The following LAMC3 variants were observed in gnomAD, a reference collection of about 807,000 sequenced individuals.
LAMC3 encodes laminin subunit gamma-3.
A neutral mutation model predicts 173.8 loss-of-function variants in LAMC3; 128 were observed. The observed-to-expected ratio is 0.74, with a 90% CI of 0.64 to 0.85. The LOEUF is 0.85. Ranked by LOEUF, LAMC3 falls within the 40% of genes least tolerant of loss-of-function variation. The probability of loss-of-function intolerance (pLI) is 0.00; values close to 1 mark genes in which losing one functional copy is unlikely to be tolerated. For synonymous variants in LAMC3, 897 were observed against 909.1 expected (o/e 0.99, Z 0.24); for missense variants, 2,022 against 2,156.0 (o/e 0.94, Z 1.23).
intron 3 of LAMC3, among the ~76,000 whole-genome samples, chr9:131,032,444 TCCCTCCCTC>T: frequency 8.0e-6 from 1 of 124,712 alleles, no homozygotes; most frequent in East Asian, 3.9e-4. Flanking sequence ...CCTTCCTCCC[TCCCTCCCTC>T]CCTTCCTCCC....
rs1834321618 is a variant in LAMC3, at chr9:131,052,868, G to A, written c.1842G>A (p.Glu614=). 1.2e-6 allele frequency: 2 copies of A among 1,613,430 alleles called. No individual in the cohort carries two copies. The highest frequency in any genetic ancestry group is 2.7e-5 in the African/African-American group (2 of 74,928). The change falls in exon 11 of 28, where the codon GAG becomes GAA. Residue 614 remains glutamate (E), a synonymous_variant. Coordinates refer to ENST00000361069, the MANE Select transcript of LAMC3 (RefSeq NM_006059.4). ...TCGCCAGCCTGCAGGAGACCTCCGA[G>A]GACGTGGCCCCTCCACTGCCCCCCT... ...ELRFHLQETS[E]DVAPPLPPFH... is the part of the protein sequence containing the mutation.
chr9:131,075,893 C>T lies in LAMC3; in HGVS notation c.3557C>T (p.Thr1186Ile), dbSNP rs200384710. 11 of 1,612,692 alleles carry T rather than the reference C, an allele frequency of 6.8e-6. No individual in the cohort carries two copies. The highest frequency in any genetic ancestry group is 8.5e-6 in the Non-Finnish European group (10 of 1,179,302). The stretch of plus-strand genomic sequence containing the variant: ...TGGAGGGCCCTGCTCGCCTCCAACA[C>T]CAGCTACGCGCTTCTCTGGAATCTG... Reference protein sequence around the residue: ...TAWRALLASNTSYALLWNLLE... With the variant: ...TAWRALLASNISYALLWNLLE... The change falls in exon 21 of 28, where the codon ACC becomes ATC. Residue 1186 changes from threonine (T) to isoleucine (I), a missense_variant. Thr to Ile is a moderately conservative substitution (Grantham distance 89). Transcript: ENST00000361069.
intron 6 of LAMC3, among the ~76,000 whole-genome samples, chr9:131,040,516 G>A (rs1834030127): frequency 2.6e-5 from 4 of 152,058 alleles, no homozygotes; most frequent in African/African-American, 7.2e-5. Flanking sequence ...GTTGATAACG[G>A]GCATCTTTGT....
At chr9:131,010,120 C>T (rs11244244) in intron 1 of LAMC3, among the ~76,000 whole-genome samples, 1 of 139,862 alleles carries the variant, frequency 7.1e-6, no homozygotes, top group African/African-American at 2.8e-5. Context: ...CACCACCGTT[C>T]TCCAGCCTGG....
intron 14 of LAMC3, 37 bp downstream of exon 14, chr9:131,067,242 G>A (rs1460893069): frequency 6.2e-7 from 1 of 1,609,610 alleles, no homozygotes; most frequent in East Asian, 2.2e-5. Context: ...GTGGCACATG[G>A]TGGGCCCCTT....
chr9:131,089,719 C>T (rs1489072908), intron 27 of LAMC3, among the ~76,000 whole-genome samples: 1 of 152,166 alleles, frequency 6.6e-6, no homozygotes, highest in Non-Finnish European at 1.5e-5. Flanking sequence ...ACTTATTTCA[C>T]TTAGCAGAAA....
At chr9:131,018,578 A>G (rs1833569768) in intron 1 of LAMC3, among the ~76,000 whole-genome samples, 1 of 152,118 alleles carries the variant, frequency 6.6e-6, no homozygotes, top group Non-Finnish European at 1.5e-5. Flanking sequence ...GTCATCCTTG[A>G]CTGTTAGCTG....
chr9:131,073,120 G>A (rs1413989313), intron 19 of LAMC3, 125 bp from the exon 20 acceptor site: 8 of 795,332 alleles, frequency 1.0e-5, no homozygotes, highest in Non-Finnish European at 1.7e-5. Context: ...CCGATGTTGT[G>A]GCCAGCTTTG....
At position 131,032,193 on chromosome 9, in the gene LAMC3, G is replaced by A. The variant is rs1347069903; in HGVS notation, c.809+18G>A. 1 of 1,487,168 alleles carries A rather than the reference G, an allele frequency of 6.7e-7. No homozygotes were observed. Among genetic ancestry groups the A allele is most frequent in the South Asian group, 1.1e-5 (1 of 89,614 alleles). 92.1% of individuals were successfully genotyped at this position (1,487,168 alleles called of 1,614,324 possible). On this transcript the variant is annotated intron_variant, in intron 3 of 27. Transcript: ENST00000361069. Reference sequence around the variant, plus strand: ...GGCGGCAGGTAGGAGGGAGGAGGGAGGCAGGGTGGCAGGGCTCCAGGACCC... The same window carrying A: ...GGCGGCAGGTAGGAGGGAGGAGGGAAGCAGGGTGGCAGGGCTCCAGGACCC...
chr9:131,020,681 G>C (rs1424349289), intron 1 of LAMC3, among the ~76,000 whole-genome samples: 1 of 152,210 alleles, frequency 6.6e-6, no homozygotes, highest in Non-Finnish European at 1.5e-5. Context: ...CAGACGAGGG[G>C]CTGAGAGAAT....
rs144156064 is a variant in LAMC3 at position 131,087,983 on chromosome 9, G to A, written c.4477+166G>A. 3.4e-4 allele frequency among the ~76,000 whole-genome samples: 52 copies of A among 152,314 alleles called. No homozygotes were observed. The East Asian group carries it at 9.7e-3, about 28-fold the overall frequency. ...TCACAAGCATTTATAACCATGCCCA[G>A]GCCCCCTTGCCATGTGGGACAGGGT... On this transcript the variant is annotated intron_variant, in intron 27 of 27. Coordinates refer to ENST00000361069, the MANE Select transcript of LAMC3 (RefSeq NM_006059.4).
At chr9:131,046,802 G>A (rs1834171563) in intron 8 of LAMC3, among the ~76,000 whole-genome samples, 1 of 152,074 alleles carries the variant, frequency 6.6e-6, no homozygotes, top group South Asian at 2.1e-4. Flanking sequence ...GTCCCACGGA[G>A]CGCCCCGCAC....
intron 1 of LAMC3, among the ~76,000 whole-genome samples, chr9:131,010,751 G>A (rs927904680): frequency 1.3e-5 from 2 of 152,234 alleles, no homozygotes; most frequent in African/African-American, 2.4e-5. Flanking sequence ...TGGCCTCTCT[G>A]CCCTGCTCAT....
At chr9:131,082,212 C>A in intron 24 of LAMC3, 51 bp downstream of exon 24, 1 of 1,339,452 alleles carries the variant, frequency 7.5e-7, no homozygotes, top group Non-Finnish European at 1.1e-6. Flanking sequence ...ACGCCCCTGA[C>A]AGCCACTCAC....
At chr9:131,065,370 A>AC (rs1228125314) in intron 13 of LAMC3, among the ~76,000 whole-genome samples, 1 of 152,202 alleles carries the variant, frequency 6.6e-6, no homozygotes, top group African/African-American at 2.4e-5. Flanking sequence ...AGAAAGCAGG[A>AC]CAGGAGTCTG....
At chr9:131,049,719 A>G (rs1834243992) in intron 9 of LAMC3, among the ~76,000 whole-genome samples, 1 of 152,174 alleles carries the variant, frequency 6.6e-6, no homozygotes, top group African/African-American at 2.4e-5. Context: ...GGCCATAGCC[A>G]CTGTCATGGC....
chr9:131,036,865 T>C (rs959963789), intron 4 of LAMC3, among the ~76,000 whole-genome samples: 3 of 152,236 alleles, frequency 2.0e-5, no homozygotes, highest in Non-Finnish European at 4.4e-5. Context: ...GCTGGGGCAC[T>C]GGCTGCAAGC....
chr9:131,010,900 A>G (rs111604796), intron 1 of LAMC3, among the ~76,000 whole-genome samples: 78 of 152,102 alleles, frequency 5.1e-4, no homozygotes, highest in African/African-American at 1.8e-3. Flanking sequence ...CCCGATTCCC[A>G]TGTCCTCTGT....
rs1830427007 is a variant in LAMC3, at chr9:131,091,583, T to C, written c.4524T>C (p.Thr1508=). The C allele has an allele frequency of 6.3e-7, 1 of 1,591,292 alleles. No individual in the cohort carries two copies. Among genetic ancestry groups the C allele is most frequent in the East Asian group, 2.3e-5 (1 of 44,080 alleles). Residue 1508 remains threonine, a synonymous_variant, in exon 28 of 28, where the codon ACT becomes ACC. Coordinates refer to ENST00000361069, the MANE Select transcript of LAMC3 (RefSeq NM_006059.4). ...CCCCAGCCCAGGCCCTGAACGAGAC[T>C]CAGTGGGCACTAGAACGCCTGAGGC... ...HQAPAQALNE[T]QWALERLRLQ...
Sources: allele counts gnomAD v4.1 joint callset (sites outside exome capture counted in the v4.1 genomes callset), GRCh38; gene constraint gnomAD v4.1.1; transcripts MANE v1.5; gene names NCBI Gene and HGNC (gene_info 2026-07-23, HGNC 2026-07-21).